GC: variants seen among roughly 807,000 people sequenced by gnomAD.
GC encodes vitamin D-binding protein.
GC carries 43 observed loss-of-function variants against 56.7 expected under a neutral mutation model. That is an observed-to-expected ratio of 0.76 (90% CI 0.59 to 0.98). The LOEUF (loss-of-function observed/expected upper bound fraction) is 0.98. Among genes scored for constraint, GC ranks in the 50% least tolerant of loss-of-function variants. The probability of loss-of-function intolerance (pLI) is 0.00; values close to 1 mark genes in which losing one functional copy is unlikely to be tolerated. For synonymous variants in GC, 216 were observed against 202.7 expected (o/e 1.07, Z -0.56); for missense variants, 529 against 545.9 (o/e 0.97, Z 0.31).
At chr4:71,797,368 T>G (rs1311820711) in intron 1 of GC, among the ~76,000 whole-genome samples, 3 of 152,214 alleles carry the variant, frequency 2.0e-5, no homozygotes, top group Non-Finnish European at 4.4e-5. Context: ...CCCAGACACT[T>G]TGTTTACCTA....
chr4:71,747,040 A>T (rs1283723001), intron 11 of GC, among the ~76,000 whole-genome samples: 1 of 152,138 alleles, frequency 6.6e-6, no homozygotes, highest in African/African-American at 2.4e-5. Context: ...ATTAGAATTG[A>T]TGGGATTTGG....
chr4:71,751,498 GC>G (rs1741554791), intron 11 of GC, among the ~76,000 whole-genome samples: 1 of 152,146 alleles, frequency 6.6e-6, no homozygotes, highest in African/African-American at 2.4e-5. Flanking sequence ...AAAAGGTTTG[GC>G]CAGAACTGCT....
intron 6 of GC, 144 bp downstream of exon 6, chr4:71,763,264 T>G (rs1296354465): frequency 2.3e-6 from 1 of 428,734 alleles, no homozygotes; most frequent in African/African-American, 2.0e-5. Context: ...AAACGAGAAT[T>G]TGGCCAGATT....
chr4:71,799,464 T>G (rs931538193), intron 1 of GC, among the ~76,000 whole-genome samples: 2 of 152,158 alleles, frequency 1.3e-5, no homozygotes, highest in Non-Finnish European at 2.9e-5. Context: ...CCCTAGCTCA[T>G]AAGATGTAGG....
chr4:71,787,760 G>T (rs1282388821), upstream of GC, among the ~76,000 whole-genome samples: 1 of 151,856 alleles, frequency 6.6e-6, no homozygotes, highest in African/African-American at 2.4e-5. Flanking sequence ...ATCAGAGAGT[G>T]GTAATTGACT....
intron 12 of GC, among the ~76,000 whole-genome samples, chr4:71,744,794 G>C (rs932103606): frequency 7.9e-5 from 12 of 152,098 alleles, no homozygotes; most frequent in Non-Finnish European, 4.4e-5. Flanking sequence ...TTATTATATG[G>C]GGATTGAGAT....
chr4:71,797,626 T>C lies in GC; in HGVS notation c.21+6300A>G, dbSNP rs143474889. On this transcript the variant is annotated intron_variant, in intron 1 of 13. Coordinates refer to the GC transcript ENST00000504199. ...AAATTCCCCGACCCCTTGCACCTCC[T>C]GACTGAGGTGATGCCCCGCCCTGCT... Among the ~76,000 whole-genome samples, 266 of 152,346 alleles carry C rather than the reference T, an allele frequency of 1.7e-3. 1 individual carries two copies. Among genetic ancestry groups the C allele is most frequent in the African/African-American group, 5.9e-3 (247 of 41,602 alleles).
At chr4:71,757,355 A>G (rs531463414) in intron 7 of GC, among the ~76,000 whole-genome samples, 6 of 152,326 alleles carry the variant, frequency 3.9e-5, no homozygotes, top group East Asian at 1.9e-4. Context: ...TAACACAGAC[A>G]TGCATTTTTA....
intron 1 of GC, among the ~76,000 whole-genome samples, chr4:71,801,333 T>C (rs540392346): frequency 6.6e-6 from 1 of 152,340 alleles, no homozygotes; most frequent in African/African-American, 2.4e-5. Context: ...AAATCCTCCA[T>C]AGTCTTCTGA....
At position 71,746,148 on chromosome 4, in the gene GC, T is replaced by C. The variant is rs753313845; in HGVS notation, c.*25+3A>G. The C allele has an allele frequency of 9.1e-7, 1 of 1,104,158 alleles. No individual in the cohort carries two copies. Among genetic ancestry groups the C allele is most frequent in the Admixed American group, 1.8e-5 (1 of 56,562 alleles). 68.4% of individuals were successfully genotyped at this position (1,104,158 alleles called of 1,614,324 possible). A position where few individuals can be genotyped will look rare whatever the true frequency, so the allele number is the denominator to read the frequency against. ...TGGTCCTGCATTTATAAAATATACT[T>C]ACCAAAGTTAATAAACATGCTTCAG... On this transcript the variant is annotated splice_donor_region_variant and intron_variant, in intron 12 of 12. Coordinates refer to ENST00000273951, the MANE Select transcript of GC (RefSeq NM_000583.4).
Position 71,755,130 on chromosome 4 carries a change from A to G in GC, c.1035-23T>C, listed in dbSNP as rs1417198617. The G allele has an allele frequency of 8.1e-6, 9 of 1,110,572 alleles. No homozygotes were observed. In the Admixed American group the frequency reaches 2.4e-4, roughly 29 times the overall value. The allele number at this position is 1,110,572 out of a possible 1,614,324, so 68.8% of individuals were successfully genotyped here. On this transcript the variant is annotated intron_variant, in intron 8 of 12. Transcript: ENST00000273951. ...TACCTAGCATGAGGGAGAAAAGGAG[A>G]TATGTGTTATATATTTCCTATTTAT... is the stretch of plus-strand genomic sequence containing the variant.
intron 11 of GC, 151 bp from the exon 12 acceptor site, chr4:71,746,356 C>T: frequency 1.9e-6 from 1 of 519,896 alleles, no homozygotes; most frequent in Non-Finnish European, 3.5e-6. Flanking sequence ...TTTTATTAGC[C>T]ACCCTTTGCA....
At chr4:71,765,950 CGT>C (rs1742140858) in intron 3 of GC, among the ~76,000 whole-genome samples, 1 of 152,090 alleles carries the variant, frequency 6.6e-6, no homozygotes, top group South Asian at 2.1e-4. Context: ...AGTGTTCCTC[CGT>C]GGGGATATTA....
At chr4:71,800,111 C>T (rs1341867656) in intron 1 of GC, among the ~76,000 whole-genome samples, 2 of 151,258 alleles carry the variant, frequency 1.3e-5, no homozygotes, top group African/African-American at 4.9e-5. Context: ...GATACATGTG[C>T]AGAACATGCA....
intron 1 of GC, among the ~76,000 whole-genome samples, chr4:71,776,233 C>G (rs764369282): frequency 6.6e-6 from 1 of 151,648 alleles, no homozygotes; most frequent in Non-Finnish European, 1.5e-5. Context: ...TCACAGCTAC[C>G]GAGATGCTGA....
chr4:71,777,293 C>G (rs1742536548), intron 1 of GC, among the ~76,000 whole-genome samples: 1 of 151,682 alleles, frequency 6.6e-6, no homozygotes, highest in Non-Finnish European at 1.5e-5. Context: ...ATCAAGTACT[C>G]AATGCTATTT....
At chr4:71,785,446 A>G (rs1742810099), upstream of GC, among the ~76,000 whole-genome samples, 1 of 151,810 alleles carries the variant, frequency 6.6e-6, no homozygotes, top group Non-Finnish European at 1.5e-5. Flanking sequence ...CTACATGGGC[A>G]GAGTCTATCA....
At chr4:71,801,890 C>CTTT (rs58049882) in intron 1 of GC, among the ~76,000 whole-genome samples, 18 of 138,296 alleles carry the variant, frequency 1.3e-4, no homozygotes, top group East Asian at 6.2e-4. Context: ...TTTCTTTCTT[C>CTTT]TTTTTTTTTT....
chr4:71,746,051 T>C, intron 12 of GC, 100 bp downstream of exon 12: 3 of 663,562 alleles, frequency 4.5e-6, no homozygotes, highest in South Asian at 3.4e-5. Context: ...TTTGAACAGA[T>C]AAGAATAAAT....
Sources: allele counts gnomAD v4.1 joint callset (sites outside exome capture counted in the v4.1 genomes callset), GRCh38; gene constraint gnomAD v4.1.1; transcripts MANE v1.5; gene names NCBI Gene and HGNC (gene_info 2026-07-23, HGNC 2026-07-21).